RANBP2: variants seen among roughly 807,000 people sequenced by gnomAD.
RANBP2 encodes the protein RAN binding protein 2, also known as E3 SUMO-protein ligase RanBP2.
A neutral mutation model predicts 303.6 loss-of-function variants in RANBP2; 57 were observed. The ratio of observed to expected loss-of-function variants is 0.19; its 90% CI spans 0.15 to 0.23. The LOEUF is 0.23. Among genes scored for constraint, RANBP2 ranks in the 10% least tolerant of loss-of-function variants. The pLI is 1.00. For synonymous variants in RANBP2, 1,167 were observed against 1,301.5 expected (o/e 0.90, Z 2.23); for missense variants, 3,138 against 3,780.8 (o/e 0.83, Z 4.46).
At chr2:109,223,528 G>A in the RANBP2 span, among the ~76,000 whole-genome samples, 417 of 152,350 alleles carry the variant, frequency 2.7e-3, 4 homozygotes, top group African/African-American at 9.6e-3. Flanking sequence ...GAATGGAAGC[G>A]TAGGAAGGGC....
the RANBP2 span, among the ~76,000 whole-genome samples, chr2:108,933,288 G>A: frequency 3.3e-5 from 5 of 152,130 alleles, no homozygotes; most frequent in Non-Finnish European, 5.9e-5. Flanking sequence ...GAGCATTCTG[G>A]GGAACATTCA....
At chr2:108,966,543 CTA>C in the RANBP2 span, among the ~76,000 whole-genome samples, 4 of 152,218 alleles carry the variant, frequency 2.6e-5, no homozygotes, top group Admixed American at 2.0e-4. Context: ...AACCTGAAGA[CTA>C]TGAGGAAGAG....
At chr2:109,040,695 T>A in the RANBP2 span, among the ~76,000 whole-genome samples, 49 of 152,174 alleles carry the variant, frequency 3.2e-4, 1 homozygote, top group Non-Finnish European at 2.9e-5. Context: ...CATTCGTATT[T>A]TCTTGATGCT....
the RANBP2 span, among the ~76,000 whole-genome samples, chr2:109,495,601 G>A: frequency 7.2e-6 from 1 of 139,614 alleles, no homozygotes; most frequent in South Asian, 2.3e-4. Context: ...CAATTCTTGT[G>A]CCCAGCTTCC....
chr2:108,914,499 G>A, the RANBP2 span, among the ~76,000 whole-genome samples: 1 of 152,116 alleles, frequency 6.6e-6, no homozygotes, highest in Admixed American at 6.6e-5. Flanking sequence ...TGGAAAAAGT[G>A]TGACTTAGCG....
chr2:109,510,423 A>C, the RANBP2 span, among the ~76,000 whole-genome samples: 1 of 152,210 alleles, frequency 6.6e-6, no homozygotes, highest in African/African-American at 2.4e-5. Context: ...GTGGGGGAGC[A>C]GACAGCCCCG....
At chr2:109,090,308 CCTCACACA>C in the RANBP2 span, among the ~76,000 whole-genome samples, 442 of 132,830 alleles carry the variant, frequency 3.3e-3, 1 homozygote, top group Admixed American at 5.6e-3. Flanking sequence ...GGACACCTCG[CCTCACACA>C]CACACACACA....
At chr2:108,805,024 A>G in the RANBP2 span, 809 of 1,390,004 alleles carry the variant, frequency 5.8e-4, 4 homozygotes, top group South Asian at 3.1e-3. Flanking sequence ...ACCTGTTTTA[A>G]TATATACTGA....
the RANBP2 span, among the ~76,000 whole-genome samples, chr2:109,597,772 C>T: frequency 2.0e-5 from 3 of 152,298 alleles, no homozygotes; most frequent in South Asian, 2.1e-4. Context: ...AAGTGCCAGA[C>T]GTGGGATAGC....
At chr2:109,185,202 TA>T in the RANBP2 span, among the ~76,000 whole-genome samples, 2 of 152,258 alleles carry the variant, frequency 1.3e-5, no homozygotes, top group Non-Finnish European at 2.9e-5. Flanking sequence ...AAAGGGTGGT[TA>T]TTTTTCCGTA....
chr2:109,373,999 G>A, the RANBP2 span, among the ~76,000 whole-genome samples: 1 of 152,126 alleles, frequency 6.6e-6, no homozygotes, highest in Admixed American at 6.5e-5. Context: ...ACAAACTGGG[G>A]AGTCAGCCGC....
At chr2:109,071,379 C>T in the RANBP2 span, among the ~76,000 whole-genome samples, 1 of 152,266 alleles carries the variant, frequency 6.6e-6, no homozygotes, top group African/African-American at 2.4e-5. Context: ...ACCCATTAGA[C>T]ATCTGCATAG....
the RANBP2 span, among the ~76,000 whole-genome samples, chr2:108,794,202 G>C: frequency 6.6e-6 from 1 of 152,120 alleles, no homozygotes; most frequent in South Asian, 2.1e-4. Context: ...TGGTAAATTT[G>C]GTTTAGGGGA....
rs530306862 is a variant in RANBP2, at chr2:108,729,911, G to A, written c.140+712G>A. On this transcript the variant is annotated intron_variant, in intron 2 of 28. Transcript: ENST00000283195. ...AGGTTTGCATTTTTTGGTAGAGACA[G>A]GTGTCACTATGTTGCCCAGGCTAGT... is the stretch of plus-strand genomic sequence containing the variant. 2.2e-4 allele frequency among the ~76,000 whole-genome samples: 33 copies of A among 152,174 alleles called. 1 individual carries two copies. The South Asian group carries it at 5.2e-3, about 24-fold the overall frequency.
At chr2:109,062,598 T>A in the RANBP2 span, among the ~76,000 whole-genome samples, 1 of 152,064 alleles carries the variant, frequency 6.6e-6, no homozygotes, top group African/African-American at 2.4e-5. Context: ...AAAGCCCCTA[T>A]TCAGGTGGAT....
At chr2:108,721,063 C>CA (rs765057254) in intron 1 of RANBP2, among the ~76,000 whole-genome samples, 14 of 151,582 alleles carry the variant, frequency 9.2e-5, no homozygotes, top group East Asian at 3.9e-4. Context: ...AAAACAAAAA[C>CA]AAAAAAAACC....
the RANBP2 span, among the ~76,000 whole-genome samples, chr2:108,855,694 T>G: frequency 1.2e-4 from 18 of 152,216 alleles, no homozygotes; most frequent in African/African-American, 4.3e-4. Context: ...CAGATCTTAC[T>G]TTCTCAAAAT....
At chr2:109,690,922 A>C in the RANBP2 span, among the ~76,000 whole-genome samples, 1 of 152,124 alleles carries the variant, frequency 6.6e-6, no homozygotes, top group African/African-American at 2.4e-5. Context: ...TTCTCAGCCT[A>C]GTCCTGGCTT....
chr2:109,114,329 A>C, the RANBP2 span, among the ~76,000 whole-genome samples: 20 of 152,232 alleles, frequency 1.3e-4, no homozygotes, highest in Admixed American at 1.2e-3. Context: ...TGGTCTATTC[A>C]GAGATTTAAC....
Sources: allele counts gnomAD v4.1 joint callset (sites outside exome capture counted in the v4.1 genomes callset), GRCh38; gene constraint gnomAD v4.1.1; transcripts MANE v1.5; gene names NCBI Gene and HGNC (gene_info 2026-07-23, HGNC 2026-07-21).